Variants in XPO7 observed in about 807,000 individuals in gnomAD.
XPO7 encodes exportin-7.
XPO7 carries 21 observed loss-of-function variants against 144.3 expected under a neutral mutation model. That is an observed-to-expected ratio of 0.15 (90% CI 0.10 to 0.21). The LOEUF (loss-of-function observed/expected upper bound fraction) is 0.21, where lower values mean the gene tolerates loss of function less well. Among genes scored for constraint, XPO7 ranks in the 10% least tolerant of loss-of-function variants. The probability of loss-of-function intolerance (pLI) is 1.00; values close to 1 mark genes in which losing one functional copy is unlikely to be tolerated. For missense variants in XPO7, 808 were observed against 1,325.8 expected (o/e 0.61, Z 6.06); for synonymous variants, 580 against 499.6 (o/e 1.16, Z -2.15).
chr8:21,994,781 C>T (rs934919101), intron 20 of XPO7, among the ~76,000 whole-genome samples: 2 of 152,210 alleles, frequency 1.3e-5, no homozygotes, highest in East Asian at 3.9e-4. Flanking sequence ...AGGCCAGGCA[C>T]GGTGGCTCAC....
chr8:21,957,711 G>A (rs529653119), intron 1 of XPO7, among the ~76,000 whole-genome samples: 7 of 152,272 alleles, frequency 4.6e-5, no homozygotes, highest in South Asian at 2.1e-4. Flanking sequence ...ATGTTAAGAC[G>A]TTCTTATGAA....
Position 21,970,147 on chromosome 8 carries a change from A to G in XPO7, c.263A>G (p.Asn88Ser). The change falls in exon 4 of 28, where the codon AAC (asparagine) becomes AGC (serine). Residue 88 changes from asparagine to serine, a missense_variant. Asn to Ser is a conservative substitution (Grantham distance 46, BLOSUM62 1). Coordinates refer to ENST00000252512, the MANE Select transcript of XPO7 (RefSeq NM_015024.5). ...GTTTCTTGTTTTTTTTTAATAGGGA[A>G]CTATGTGCTCAACTACCTTGCCACT... ...LPLEQRIDIRNYVLNYLATRP... is the reference protein window; with the variant it reads ...LPLEQRIDIRSYVLNYLATRP... The G allele has an allele frequency of 6.2e-7, 1 of 1,611,352 alleles. No homozygotes were observed. The highest frequency in any genetic ancestry group is 8.5e-7 in the Non-Finnish European group (1 of 1,178,984).
rs1491175088 is a variant in XPO7, at chr8:21,919,727, GCT to G, written c.-43_-42del. ...GGCAGCGGCTCCGGCCGAGGTGCGC[GCT>G]GGGGGGGAGGGGGGGCCGGAGAGGA... On this transcript the variant is annotated 5_prime_UTR_variant, in exon 1 of 28. Transcript: ENST00000252512. 3.8e-5 allele frequency: 13 copies of G among 339,908 alleles called. No individual in the cohort carries two copies. The highest frequency in any genetic ancestry group is 5.4e-5 in the Non-Finnish European group (12 of 220,284). The allele number at this position is 339,908 out of a possible 1,614,324, so 21.1% of individuals were successfully genotyped here.
At chr8:21,990,782 C>G (rs374606516) in intron 17 of XPO7, 29 bp from the exon 18 acceptor site, 5 of 1,608,984 alleles carry the variant, frequency 3.1e-6, no homozygotes, top group Non-Finnish European at 3.4e-6. Flanking sequence ...CATGTTTTTA[C>G]CTTTAACTTC....
At chr8:21,996,009 G>T (rs1812936236) in intron 21 of XPO7, among the ~76,000 whole-genome samples, 1 of 152,120 alleles carries the variant, frequency 6.6e-6, no homozygotes, top group African/African-American at 2.4e-5. Flanking sequence ...TAGAGACAGG[G>T]TTTCACCATG....
chr8:21,987,180 C>G lies in XPO7; in HGVS notation c.1617C>G (p.Ala539=). The G allele has an allele frequency of 1.2e-6, 2 of 1,613,934 alleles. No individual in the cohort carries two copies. The highest frequency in any genetic ancestry group is 2.2e-5 in the East Asian group (1 of 44,886). Residue 539 remains alanine, a synonymous_variant, in exon 14 of 28, where the codon GCC becomes GCG. Coordinates refer to ENST00000252512, the MANE Select transcript of XPO7 (RefSeq NM_015024.5). The stretch of plus-strand genomic sequence containing the variant: ...TGAACCTAACAGATTCTCGTTTGGC[C>G]CAGGCGGGTAATGAGAAGCTAGAGT... ...QLMNLTDSRL[A]QAGNEKLELA...
At chr8:21,989,162 T>A in intron 16 of XPO7, 79 bp downstream of exon 16, 1 of 1,337,960 alleles carries the variant, frequency 7.5e-7, no homozygotes, top group Non-Finnish European at 1.0e-6. Flanking sequence ...TCCTGCTCTT[T>A]CCACTTCAGT....
chr8:21,992,048 C>A, intron 19 of XPO7, 74 bp downstream of exon 19: 1 of 1,187,614 alleles, frequency 8.4e-7, no homozygotes, highest in African/African-American at 1.5e-5. Context: ...TCGTGCTTGA[C>A]TGTAAACTAT....
intron 3 of XPO7, chr8:21,969,943 T>C: frequency 1.6e-6 from 1 of 630,000 alleles, no homozygotes; most frequent in Non-Finnish European, 2.6e-6. Context: ...TGAGACAAAA[T>C]AAAATTCTGA....
At chr8:21,966,806 T>G (rs1434023900) in intron 1 of XPO7, 51 bp from the exon 2 acceptor site, 1 of 1,555,518 alleles carries the variant, frequency 6.4e-7, no homozygotes, top group Non-Finnish European at 8.7e-7. Context: ...GCACAGTTGC[T>G]TACATTTGTA....
chr8:21,988,962 CA>C (rs772229470), intron 15 of XPO7, 40 bp from the exon 16 acceptor site: 2 of 1,591,356 alleles, frequency 1.3e-6, no homozygotes, highest in Non-Finnish European at 1.7e-6. Flanking sequence ...ACCAGCAAAT[CA>C]AAAGGGTCTC....
chr8:21,986,405 G>A (rs528924195), intron 13 of XPO7, among the ~76,000 whole-genome samples: 1 of 152,154 alleles, frequency 6.6e-6, no homozygotes, highest in Admixed American at 6.5e-5. Flanking sequence ...CACCTGCCTT[G>A]GCCTCCCAAA....
chr8:21,936,769 C>T (rs923020902), intron 1 of XPO7, among the ~76,000 whole-genome samples: 2 of 152,036 alleles, frequency 1.3e-5, no homozygotes, highest in Admixed American at 1.3e-4. Context: ...TCATGTAATC[C>T]TATTAGTGGC....
intron 1 of XPO7, among the ~76,000 whole-genome samples, chr8:21,946,405 G>T (rs1024814295): frequency 4.6e-5 from 7 of 151,820 alleles, no homozygotes; most frequent in Admixed American, 4.6e-4. Flanking sequence ...TCAGTGAATA[G>T]ATTAGCATAT....
chr8:21,934,139 A>T (rs1585419207), intron 1 of XPO7, among the ~76,000 whole-genome samples: 1 of 152,362 alleles, frequency 6.6e-6, no homozygotes, highest in East Asian at 1.9e-4. Flanking sequence ...ATAGATACTC[A>T]GTAAATTATA....
chr8:21,920,547 G>A (rs1051122411), intron 1 of XPO7, among the ~76,000 whole-genome samples: 3 of 152,124 alleles, frequency 2.0e-5, no homozygotes, highest in Non-Finnish European at 2.9e-5. Context: ...GCTCGGGAGG[G>A]TCTTGATCCG....
At chr8:21,938,365 A>G (rs1180305174) in intron 1 of XPO7, among the ~76,000 whole-genome samples, 2 of 152,226 alleles carry the variant, frequency 1.3e-5, no homozygotes, top group South Asian at 2.1e-4. Flanking sequence ...TTGTACATCC[A>G]TTAGCACTAT....
intron 20 of XPO7, among the ~76,000 whole-genome samples, chr8:21,994,728 G>T (rs1812885062): frequency 6.6e-6 from 1 of 152,030 alleles, no homozygotes; most frequent in Non-Finnish European, 1.5e-5. Flanking sequence ...TGTTGGTTTT[G>T]CTATATTTAG....
intron 1 of XPO7, among the ~76,000 whole-genome samples, chr8:21,931,435 G>A (rs181042701): frequency 2.0e-5 from 3 of 152,168 alleles, no homozygotes; most frequent in Admixed American, 6.5e-5. Flanking sequence ...GTGAGCCACC[G>A]TACCTGGCCC....
Sources: allele counts gnomAD v4.1 joint callset (sites outside exome capture counted in the v4.1 genomes callset), GRCh38; gene constraint gnomAD v4.1.1; transcripts MANE v1.5; gene names NCBI Gene and HGNC (gene_info 2026-07-23, HGNC 2026-07-21).